The following AFG1L variants were observed in gnomAD, a reference collection of about 807,000 sequenced individuals.
The protein encoded by AFG1L is AFG1 like ATPase.
Under a neutral mutation model 62.2 loss-of-function variants are expected in AFG1L, and 53 were observed. That is an observed-to-expected ratio of 0.85 (90% CI 0.68 to 1.07). The LOEUF (loss-of-function observed/expected upper bound fraction) is 1.07, where lower values mean the gene tolerates loss of function less well. AFG1L is among the 50% of genes least tolerant of loss of function. AFG1L has a pLI of 0.00. For missense variants in AFG1L, 555 were observed against 590.5 expected (o/e 0.94, Z 0.62); for synonymous variants, 228 against 210.3 (o/e 1.08, Z -0.73).
In AFG1L at chr6:108,313,808, A is replaced by G. The variant is rs183412285; in HGVS notation, c.140-10017A>G. 2.5e-3 allele frequency among the ~76,000 whole-genome samples: 377 copies of G among 152,234 alleles called. 3 individuals carry two copies. Among genetic ancestry groups the G allele is most frequent in the African/African-American group, 8.7e-3 (362 of 41,544 alleles). Reference sequence around the variant, plus strand: ...GCCTGCTTCGGCCTCCCAAATTGCTATGATTACAGGCATGATCCACTGAGT... The same window carrying G: ...GCCTGCTTCGGCCTCCCAAATTGCTGTGATTACAGGCATGATCCACTGAGT... On this transcript the variant is annotated intron_variant, in intron 1 of 12. Coordinates refer to ENST00000368977, the MANE Select transcript of AFG1L (RefSeq NM_145315.5).
Position 108,321,852 on chromosome 6 carries a change from A to G in AFG1L, c.140-1973A>G, listed in dbSNP as rs114286214. Among the ~76,000 whole-genome samples the G allele has an allele frequency of 4.8e-3, 735 of 152,200 alleles. 7 individuals carry two copies. The highest frequency in any genetic ancestry group is 0.017 in the African/African-American group (706 of 41,516). Reference sequence around the variant, plus strand: ...GTAACAGAGACCCCAATTATACACTACTTTAAAAGCAAGATAGAAGTTTAT... The same window carrying G: ...GTAACAGAGACCCCAATTATACACTGCTTTAAAAGCAAGATAGAAGTTTAT... On this transcript the variant is annotated intron_variant, in intron 1 of 12. Coordinates refer to ENST00000368977, the MANE Select transcript of AFG1L (RefSeq NM_145315.5).
At chr6:108,501,192 A>G (rs954075568) in intron 10 of AFG1L, among the ~76,000 whole-genome samples, 33 of 152,046 alleles carry the variant, frequency 2.2e-4, no homozygotes, top group African/African-American at 6.0e-4. Context: ...ATGGGGTTTC[A>G]CCATGTTGGC....
chr6:108,387,501 G>T (rs1209601583), intron 6 of AFG1L: 2 of 152,286 alleles, frequency 1.3e-5, no homozygotes, highest in African/African-American at 4.8e-5. Context: ...TGTGTCCCTT[G>T]TTCCTGGGCC....
chr6:108,386,661 T>C (rs758406395), intron 6 of AFG1L, among the ~76,000 whole-genome samples: 2 of 152,180 alleles, frequency 1.3e-5, no homozygotes, highest in Non-Finnish European at 2.9e-5. Flanking sequence ...GTTTTTTCTC[T>C]TAGTTTCTTT....
intron 7 of AFG1L, among the ~76,000 whole-genome samples, chr6:108,430,805 A>G (rs1285955036): frequency 6.6e-6 from 1 of 152,242 alleles, no homozygotes; most frequent in Non-Finnish European, 1.5e-5. Context: ...ATAAAAACAC[A>G]TAAGCACTAT....
At chr6:108,396,025 G>T (rs1781287386) in intron 6 of AFG1L, among the ~76,000 whole-genome samples, 1 of 151,034 alleles carries the variant, frequency 6.6e-6, no homozygotes, top group African/African-American at 2.4e-5. Context: ...TTTTTTGTTT[G>T]TTTGTTTGTT....
rs1562210047 is a variant in AFG1L at position 108,519,790 on chromosome 6, G to A, written c.1297G>A (p.Asp433Asn). The A allele has an allele frequency of 6.2e-7, 1 of 1,609,532 alleles. No homozygotes were observed. Among genetic ancestry groups the A allele is most frequent in the Non-Finnish European group, 8.5e-7 (1 of 1,178,002 alleles). The change falls in exon 12 of 13, where the codon GAT becomes AAT. Residue 433 changes from aspartate to asparagine, a missense_variant. Asp to Asn is a conservative substitution (Grantham distance 23, BLOSUM62 1). Coordinates refer to ENST00000368977, the MANE Select transcript of AFG1L (RefSeq NM_145315.5). The part of the protein sequence containing the change: ...SELEQSRILM[D>N]DLGLSQDSAE... ...GTTGGAGCAAAGCAGAATACTGATG[G>A]ATGATTTGGGGCTGAGCCAGGTAGG...
chr6:108,505,404 A>G (rs1774374251), intron 10 of AFG1L, among the ~76,000 whole-genome samples: 1 of 152,028 alleles, frequency 6.6e-6, no homozygotes, highest in South Asian at 2.1e-4. Context: ...ATTTTTTTCT[A>G]TATGTATTTT....
chr6:108,366,734 C>A (rs1489233012), intron 6 of AFG1L, among the ~76,000 whole-genome samples: 7 of 152,014 alleles, frequency 4.6e-5, no homozygotes, highest in Non-Finnish European at 8.8e-5. Context: ...TGAATAGTTT[C>A]TAATACTTCA....
At chr6:108,447,879 T>C (rs936436969) in intron 8 of AFG1L, among the ~76,000 whole-genome samples, 3 of 152,216 alleles carry the variant, frequency 2.0e-5, no homozygotes, top group African/African-American at 7.2e-5. Flanking sequence ...ATGTCCTTTG[T>C]GAGAACGTGA....
At chr6:108,447,668 TTTTA>T (rs1258740774) in intron 8 of AFG1L, among the ~76,000 whole-genome samples, 1 of 152,192 alleles carries the variant, frequency 6.6e-6, no homozygotes, top group East Asian at 1.9e-4. Flanking sequence ...AAAATTGTTG[TTTTA>T]TTTGTCAATC....
At chr6:108,422,456 T>A (rs1247519572) in intron 7 of AFG1L, among the ~76,000 whole-genome samples, 4 of 95,822 alleles carry the variant, frequency 4.2e-5, no homozygotes, top group African/African-American at 2.5e-4. Context: ...TCCAAAATAT[T>A]TTTTTAAAAT....
At chr6:108,412,317 T>C (rs1486795658) in intron 7 of AFG1L, among the ~76,000 whole-genome samples, 1 of 152,090 alleles carries the variant, frequency 6.6e-6, no homozygotes, top group Non-Finnish European at 1.5e-5. Context: ...ACGGGGAGAA[T>C]GGAACCAAGT....
chr6:108,442,818 A>C (rs1771606411), intron 7 of AFG1L, among the ~76,000 whole-genome samples: 1 of 151,758 alleles, frequency 6.6e-6, no homozygotes, highest in Admixed American at 6.6e-5. Flanking sequence ...ATATCCAGAA[A>C]CCCCCCTTAG....
chr6:108,306,173 G>A (rs960068970), intron 1 of AFG1L, among the ~76,000 whole-genome samples: 1 of 152,188 alleles, frequency 6.6e-6, no homozygotes, highest in African/African-American at 2.4e-5. Flanking sequence ...CAAAGTGCTA[G>A]GATTACAGAT....
At chr6:108,461,460 G>C (rs1772459800) in intron 8 of AFG1L, among the ~76,000 whole-genome samples, 1 of 152,022 alleles carries the variant, frequency 6.6e-6, no homozygotes, top group Non-Finnish European at 1.5e-5. Context: ...GTTTCTTCTT[G>C]TTTGTTTGTT....
intron 8 of AFG1L, among the ~76,000 whole-genome samples, chr6:108,472,983 G>A (rs1045760589): frequency 2.0e-5 from 3 of 151,760 alleles, no homozygotes; most frequent in Admixed American, 6.6e-5. Context: ...TGTATTTTTT[G>A]TAGAGATAAA....
chr6:108,314,283 A>C (rs914670264), intron 1 of AFG1L, among the ~76,000 whole-genome samples: 12 of 152,202 alleles, frequency 7.9e-5, no homozygotes, highest in Non-Finnish European at 1.6e-4. Context: ...TATAATTCAC[A>C]CATTCTGCTT....
chr6:108,463,286 CAAAA>C (rs56937746), intron 8 of AFG1L, among the ~76,000 whole-genome samples: 6 of 40,524 alleles, frequency 1.5e-4, no homozygotes, highest in Middle Eastern at 0.013. Context: ...GAGACTCTGT[CAAAA>C]AAAAAAAAAA....
Sources: allele counts gnomAD v4.1 joint callset (sites outside exome capture counted in the v4.1 genomes callset), GRCh38; gene constraint gnomAD v4.1.1; transcripts MANE v1.5; gene names NCBI Gene and HGNC (gene_info 2026-07-23, HGNC 2026-07-21).